The following HIVEP1 variants were observed in gnomAD, a reference collection of about 807,000 sequenced individuals.
The protein encoded by HIVEP1 is zinc finger protein 40.
HIVEP1 carries 36 observed loss-of-function variants against 180.0 expected under a neutral mutation model. The observed-to-expected ratio is 0.20, with a 90% CI of 0.15 to 0.26. The LOEUF is 0.26. HIVEP1 is among the 10% of genes least tolerant of loss of function. The pLI, the probability that HIVEP1 is intolerant of heterozygous loss-of-function variation, is 1.00. For synonymous variants in HIVEP1, 1,239 were observed against 1,239.0 expected (o/e 1.00, Z 0.00); for missense variants, 3,143 against 3,268.7 (o/e 0.96, Z 0.94).
At chr6:12,097,744 A>G (rs917528442) in intron 3 of HIVEP1, among the ~76,000 whole-genome samples, 2 of 152,152 alleles carry the variant, frequency 1.3e-5, no homozygotes, top group African/African-American at 4.8e-5. Flanking sequence ...ATTGCCTTTC[A>G]GATAGACTGC....
chr6:12,078,589 G>GT (rs1385599976), intron 2 of HIVEP1, among the ~76,000 whole-genome samples: 4 of 145,474 alleles, frequency 2.7e-5, no homozygotes, highest in African/African-American at 1.0e-4. Flanking sequence ...GCAGCACCTT[G>GT]TATCTGAGTC....
chr6:12,124,167 A>G lies in HIVEP1; in HGVS notation c.4372A>G (p.Ser1458Gly). Reference sequence around the variant, plus strand: ...ATCTTTCCAAAATACTGCTCTTCCCAGTGTGAATGCAGTGCCATATCAGGG... The same window carrying G: ...ATCTTTCCAAAATACTGCTCTTCCCGGTGTGAATGCAGTGCCATATCAGGG... The part of the protein sequence containing the change: ...PTSFQNTALP[S>G]VNAVPYQGPQ... Residue 1458 changes from serine to glycine, a missense_variant, in exon 4 of 9, where the codon AGT (serine) becomes GGT (glycine). Physicochemically the swap from Ser to Gly is moderately conservative, Grantham distance 56 (BLOSUM62 0). Coordinates refer to ENST00000379388, the MANE Select transcript of HIVEP1 (RefSeq NM_002114.4). 8 of 1,614,032 alleles carry G rather than the reference A, an allele frequency of 5.0e-6. No individual in the cohort carries two copies. The highest frequency in any genetic ancestry group is 6.8e-6 in the Non-Finnish European group (8 of 1,179,926).
At chr6:12,020,894 T>C (rs796246117) in intron 2 of HIVEP1, among the ~76,000 whole-genome samples, 18 of 99,938 alleles carry the variant, frequency 1.8e-4, no homozygotes, top group African/African-American at 5.4e-4. Context: ...TTCTTTCTTT[T>C]TTTTTTTTTT....
At chr6:12,184,813 G>C in the HIVEP1 span, among the ~76,000 whole-genome samples, 3 of 152,166 alleles carry the variant, frequency 2.0e-5, no homozygotes, top group South Asian at 6.2e-4. Flanking sequence ...CAGCTGAAAA[G>C]TGATATGTAT....
the HIVEP1 span, among the ~76,000 whole-genome samples, chr6:12,171,703 C>T: frequency 3.3e-5 from 5 of 152,160 alleles, no homozygotes; most frequent in Non-Finnish European, 5.9e-5. Flanking sequence ...GCCATGTCCC[C>T]GTTCATTTTT....
Position 12,124,585 on chromosome 6 carries a change from C to T in HIVEP1, c.4790C>T (p.Thr1597Ile). Residue 1597 changes from threonine (T) to isoleucine (I), a missense_variant, in exon 4 of 9, where the codon ACA (threonine) becomes ATA (isoleucine). Physicochemically the swap from Thr to Ile is moderately conservative, Grantham distance 89. Coordinates refer to ENST00000379388, the MANE Select transcript of HIVEP1 (RefSeq NM_002114.4). ...SDPVGTDHCV[T>I]SATLPTKLID... ...CCAGTTGGAACAGATCATTGTGTGA[C>T]ATCAGCAACATTACCAACCAAATTA... The T allele has an allele frequency of 6.2e-7, 1 of 1,614,090 alleles. No individual in the cohort carries two copies. The highest frequency in any genetic ancestry group is 8.5e-7 in the Non-Finnish European group (1 of 1,180,000).
rs1209139136 is a variant in HIVEP1 at position 12,042,253 on chromosome 6, T to C, written c.40+26585T>C. 6.7e-5 allele frequency among the ~76,000 whole-genome samples: 10 copies of C among 150,050 alleles called. No homozygotes were observed. The East Asian group carries it at 1.9e-3, about 29-fold the overall frequency. The stretch of plus-strand genomic sequence containing the variant: ...CGCCACCGCGCCTGGCTAATTTTTT[T>C]TGTATTTTCAGTAGAGACGGGGTTT... On this transcript the variant is annotated intron_variant, in intron 2 of 8. Transcript: ENST00000379388.
intron 3 of HIVEP1, among the ~76,000 whole-genome samples, chr6:12,114,442 T>G (rs1244665060): frequency 6.6e-6 from 1 of 152,198 alleles, no homozygotes; most frequent in Non-Finnish European, 1.5e-5. Context: ...CCCTTGTTTC[T>G]TTTTGTTTCT....
chr6:12,168,855 A>G (rs529525749), downstream of HIVEP1, among the ~76,000 whole-genome samples: 2 of 152,150 alleles, frequency 1.3e-5, no homozygotes, highest in African/African-American at 4.8e-5. Flanking sequence ...AGGCTAAGCT[A>G]TGTTGTTCAG....
Position 12,164,365 on chromosome 6 carries a change from TC to T in HIVEP1, c.8064del (p.Arg2689GlyfsTer17). On this transcript the variant is annotated frameshift_variant, in exon 9 of 9. Transcript: ENST00000379388. LOFTEE classifies it high-confidence loss of function. ...QQTLSPDRQV[P>X]RPTALPRRQP... ...AGACTCTCTCTCCAGACAGACAGGTTCCCAGGCCCACAGCACTACCGCGGAG... is the reference window on the plus strand; with the variant it reads ...AGACTCTCTCTCCAGACAGACAGGTTCCAGGCCCACAGCACTACCGCGGAG... The T allele has an allele frequency of 6.2e-7, 1 of 1,613,994 alleles. No homozygotes were observed. Among genetic ancestry groups the T allele is most frequent in the South Asian group, 1.1e-5 (1 of 91,082 alleles).
chr6:12,014,088 CCTT>C (rs1767581776), intron 1 of HIVEP1, among the ~76,000 whole-genome samples: 1 of 152,246 alleles, frequency 6.6e-6, no homozygotes, highest in African/African-American at 2.4e-5. Flanking sequence ...TTAGTTTAGT[CCTT>C]ATAACAACCT....
intron 3 of HIVEP1, among the ~76,000 whole-genome samples, chr6:12,097,128 T>A (rs905148151): frequency 3.9e-5 from 6 of 152,084 alleles, no homozygotes; most frequent in Non-Finnish European, 7.4e-5. Flanking sequence ...GTTTATTTTT[T>A]AACCAGTGTG....
chr6:12,160,173 A>G (rs1244753529), intron 7 of HIVEP1, among the ~76,000 whole-genome samples: 1 of 152,226 alleles, frequency 6.6e-6, no homozygotes, highest in Non-Finnish European at 1.5e-5. Context: ...AGTGGGAAAG[A>G]GCCTCTAATT....
chr6:12,141,060 A>G (rs1758993243), intron 7 of HIVEP1, among the ~76,000 whole-genome samples: 1 of 152,214 alleles, frequency 6.6e-6, no homozygotes, highest in Admixed American at 6.5e-5. Flanking sequence ...CGCAAGACAC[A>G]TAATTGTCAG....
chr6:12,144,950 AAGAC>A (rs1394824678), intron 7 of HIVEP1, among the ~76,000 whole-genome samples: 1 of 152,240 alleles, frequency 6.6e-6, no homozygotes, highest in Non-Finnish European at 1.5e-5. Flanking sequence ...ACCATTGTGG[AAGAC>A]AGTGTGGCAA....
chr6:12,043,314 C>T (rs1336491822), intron 2 of HIVEP1, among the ~76,000 whole-genome samples: 3 of 149,946 alleles, frequency 2.0e-5, no homozygotes, highest in Non-Finnish European at 3.0e-5. Context: ...CATGAGTGCT[C>T]ATGTAATGGC....
the HIVEP1 span, among the ~76,000 whole-genome samples, chr6:12,209,324 T>A: frequency 6.6e-6 from 1 of 152,158 alleles, no homozygotes; most frequent in Admixed American, 6.5e-5. Context: ...TCCCAGCTAC[T>A]TGGGAGGCTG....
intron 2 of HIVEP1, among the ~76,000 whole-genome samples, chr6:12,086,342 T>C (rs745687824): frequency 2.8e-4 from 42 of 152,300 alleles, no homozygotes; most frequent in Non-Finnish European, 4.4e-4. Flanking sequence ...ATGCATATTA[T>C]GGGCTTCAGA....
In HIVEP1 at chr6:12,163,759, G is replaced by A; in HGVS notation, c.7455G>A (p.Leu2485=). 1 of 1,614,086 alleles carries A rather than the reference G, an allele frequency of 6.2e-7. No individual in the cohort carries two copies. Among genetic ancestry groups the A allele is most frequent in the Non-Finnish European group, 8.5e-7 (1 of 1,180,012 alleles). Residue 2485 remains leucine (L), a synonymous_variant, in exon 9 of 9, where the codon TTG becomes TTA. Transcript: ENST00000379388. ...TTCAGAACCTAAGTACCCCAGGCTT[G>A]CAGTCACTCCCCTCGTTAAGCATGG... The part of the protein sequence containing the change: ...PGLQNLSTPG[L]QSLPSLSMET...
Sources: allele counts gnomAD v4.1 joint callset (sites outside exome capture counted in the v4.1 genomes callset), GRCh38; gene constraint gnomAD v4.1.1; transcripts MANE v1.5; gene names NCBI Gene and HGNC (gene_info 2026-07-23, HGNC 2026-07-21).